The following AKAP19 variants were observed in gnomAD, a reference collection of about 807,000 sequenced individuals.
AKAP19 encodes A-kinase anchoring protein 19, also known as small A-kinase anchoring protein.
the AKAP19 span, among the ~76,000 whole-genome samples, chr2:190,172,986 G>A: frequency 6.6e-6 from 1 of 152,034 alleles, no homozygotes; most frequent in Admixed American, 6.5e-5. Flanking sequence ...GCAGTGGTGG[G>A]CACCTGCAAT....
chr2:190,060,398 A>G, the AKAP19 span: 14 of 1,610,854 alleles, frequency 8.7e-6, no homozygotes, highest in Non-Finnish European at 1.2e-5. Context: ...TAAAGAAGCA[A>G]CATTTGGGTT....
chr2:190,066,952 C>A, the AKAP19 span, among the ~76,000 whole-genome samples: 1 of 152,122 alleles, frequency 6.6e-6, no homozygotes, highest in Non-Finnish European at 1.5e-5. Context: ...GGACTAGTTT[C>A]TTCATATGAA....
chr2:189,931,164 G>A, the AKAP19 span, among the ~76,000 whole-genome samples: 1 of 152,212 alleles, frequency 6.6e-6, no homozygotes, highest in South Asian at 2.1e-4. Context: ...TACTGATGAT[G>A]ACTCTTACTT....
the AKAP19 span, among the ~76,000 whole-genome samples, chr2:190,066,271 G>A: frequency 1.3e-5 from 2 of 151,988 alleles, no homozygotes; most frequent in Non-Finnish European, 2.9e-5. Context: ...ATACTCACTG[G>A]TTGTCTCAAA....
At chr2:190,061,628 A>G in the AKAP19 span, among the ~76,000 whole-genome samples, 3 of 152,002 alleles carry the variant, frequency 2.0e-5, no homozygotes, top group Non-Finnish European at 4.4e-5. Flanking sequence ...TTATTATGCT[A>G]TGTTTACTTC....
At chr2:190,078,106 G>A in the AKAP19 span, among the ~76,000 whole-genome samples, 8 of 152,074 alleles carry the variant, frequency 5.3e-5, no homozygotes, top group Non-Finnish European at 1.0e-4. Flanking sequence ...CTCCTCTCCA[G>A]CCCTTTGCCC....
chr2:189,980,062 G>A, the AKAP19 span, among the ~76,000 whole-genome samples: 1 of 152,108 alleles, frequency 6.6e-6, no homozygotes, highest in South Asian at 2.1e-4. Flanking sequence ...TCACTAGGGG[G>A]CACCTACCCA....
the AKAP19 span, chr2:190,200,255 T>C: frequency 4.5e-6 from 4 of 884,816 alleles, no homozygotes; most frequent in Non-Finnish European, 7.2e-6. Flanking sequence ...GATTTAAAAA[T>C]GTGTCTACGA....
the AKAP19 span, among the ~76,000 whole-genome samples, chr2:190,060,639 T>C: frequency 6.6e-6 from 1 of 152,046 alleles, no homozygotes; most frequent in African/African-American, 2.4e-5. Context: ...TTCAGACGTA[T>C]GTATTTTCAG....
the AKAP19 span, among the ~76,000 whole-genome samples, chr2:189,947,401 G>A: frequency 6.6e-6 from 1 of 152,050 alleles, no homozygotes; most frequent in Non-Finnish European, 1.5e-5. Flanking sequence ...ATTTTTATAA[G>A]TATACAATTT....
the AKAP19 span, among the ~76,000 whole-genome samples, chr2:190,199,178 G>A: frequency 7.9e-5 from 12 of 152,162 alleles, no homozygotes; most frequent in African/African-American, 2.9e-4. Flanking sequence ...TGATGTGCTT[G>A]TTTTGCTTGA....
chr2:190,089,573 A>G, the AKAP19 span: 2 of 152,176 alleles, frequency 1.3e-5, no homozygotes, highest in African/African-American at 2.4e-5. Context: ...ACGTACATGA[A>G]GCCAGAATAG....
the AKAP19 span, among the ~76,000 whole-genome samples, chr2:190,065,580 T>G: frequency 6.6e-6 from 1 of 152,146 alleles, no homozygotes; most frequent in African/African-American, 2.4e-5. Context: ...GAGTTCAGTG[T>G]TAATGAATGA....
chr2:189,929,015 G>T, the AKAP19 span, among the ~76,000 whole-genome samples: 1 of 152,094 alleles, frequency 6.6e-6, no homozygotes, highest in African/African-American at 2.4e-5. Context: ...GAAGCCTAGA[G>T]ATTTAAAGTA....
At chr2:190,042,056 C>T in the AKAP19 span, among the ~76,000 whole-genome samples, 2 of 152,104 alleles carry the variant, frequency 1.3e-5, no homozygotes, top group African/African-American at 4.8e-5. Flanking sequence ...AGGAGTCCCT[C>T]CTCCTCAGTT....
At chr2:190,163,548 C>T in the AKAP19 span, among the ~76,000 whole-genome samples, 1 of 152,016 alleles carries the variant, frequency 6.6e-6, no homozygotes, top group Non-Finnish European at 1.5e-5. Flanking sequence ...TTATAACTTC[C>T]TTTAGTTTTC....
chr2:189,950,308 G>A, the AKAP19 span, among the ~76,000 whole-genome samples: 10 of 149,772 alleles, frequency 6.7e-5, no homozygotes, highest in East Asian at 9.8e-4. Context: ...GAGTACAGGC[G>A]TGAGCCATGG....
At chr2:190,144,779 C>A in the AKAP19 span, among the ~76,000 whole-genome samples, 1 of 151,904 alleles carries the variant, frequency 6.6e-6, no homozygotes, top group African/African-American at 2.4e-5. Context: ...GAGTTCGAGA[C>A]CAGCCTGACT....
the AKAP19 span, among the ~76,000 whole-genome samples, chr2:189,904,694 G>A: frequency 1.3e-5 from 2 of 151,864 alleles, no homozygotes; most frequent in South Asian, 4.1e-4. Context: ...TAATCCTTAT[G>A]TTTACACAGC....
Sources: allele counts gnomAD v4.1 joint callset (sites outside exome capture counted in the v4.1 genomes callset), GRCh38; gene constraint gnomAD v4.1.1; transcripts MANE v1.5; gene names NCBI Gene and HGNC (gene_info 2026-07-23, HGNC 2026-07-21).